The following BAG4 variants were observed in gnomAD, a reference collection of about 807,000 sequenced individuals.
The protein encoded by BAG4 is BAG family molecular chaperone regulator 4.
In BAG4, 28 loss-of-function variants were observed where a neutral mutation model predicts 52.1. That is an observed-to-expected ratio of 0.54 (90% CI 0.40 to 0.74). The LOEUF is 0.74. Ranked by LOEUF, BAG4 falls within the 30% of genes least tolerant of loss-of-function variation. The pLI is 0.00. For synonymous variants in BAG4, 208 were observed against 217.0 expected (o/e 0.96, Z 0.37); for missense variants, 525 against 572.0 (o/e 0.92, Z 0.84).
rs1240266768 is a variant in BAG4 at position 38,190,431 on chromosome 8, TTC to T, written c.271-2255_271-2254del. Reference sequence around the variant, plus strand: ...TGTGGTTATCAAGTCAGTAGGTTTTTTCTTTTTAAAGATGGGGTCTTACTCTG... The same window carrying T: ...TGTGGTTATCAAGTCAGTAGGTTTTTTTTTTAAAGATGGGGTCTTACTCTG... On this transcript the variant is annotated intron_variant, in intron 1 of 4. Transcript: ENST00000287322. Among the ~76,000 whole-genome samples, 12 of 152,128 alleles carry T rather than the reference TTC, an allele frequency of 7.9e-5. 1 individual carries two copies. The highest frequency in any genetic ancestry group is 1.8e-4 in the Non-Finnish European group (12 of 68,032).
intron 1 of BAG4, among the ~76,000 whole-genome samples, chr8:38,180,825 C>A (rs1306903866): frequency 6.6e-6 from 1 of 152,028 alleles, no homozygotes; most frequent in Admixed American, 6.6e-5. Flanking sequence ...ATTAATATTT[C>A]AGAAGCATTG....
chr8:38,208,887 T>G, intron 3 of BAG4, 126 bp from the exon 4 acceptor site: 1 of 1,167,180 alleles, frequency 8.6e-7, no homozygotes, highest in Non-Finnish European at 1.2e-6. Context: ...TACTACAGTT[T>G]AGTCCGGTAG....
chr8:38,187,851 T>C (rs999068159), intron 1 of BAG4, among the ~76,000 whole-genome samples: 4 of 144,432 alleles, frequency 2.8e-5, no homozygotes, highest in Admixed American at 7.1e-5. Context: ...TGAAACCTTG[T>C]CTGTACTAAA....
At chr8:38,191,029 G>A (rs1010957100) in intron 1 of BAG4, among the ~76,000 whole-genome samples, 4 of 152,120 alleles carry the variant, frequency 2.6e-5, no homozygotes, top group Non-Finnish European at 5.9e-5. Flanking sequence ...AAAGTGGTGG[G>A]ATTACAGGCG....
chr8:38,177,022 G>C lies in BAG4; in HGVS notation c.153G>C (p.Arg51=). 1 of 1,603,074 alleles carries C rather than the reference G, an allele frequency of 6.2e-7. No individual in the cohort carries two copies. Among genetic ancestry groups the C allele is most frequent in the Non-Finnish European group, 8.5e-7 (1 of 1,175,180 alleles). Residue 51 remains arginine (R), a synonymous_variant, in exon 1 of 5, where the codon CGG becomes CGC. Coordinates refer to ENST00000287322, the MANE Select transcript of BAG4 (RefSeq NM_004874.4). ...PEPPQPPISW[R]VRGGGPAETT... is the part of the protein sequence containing the mutation. ...CTCCCCAGCCTCCCATTTCCTGGCG[G>C]GTGCGCGGGGGCGGCCCGGCGGAGA...
intron 1 of BAG4, 32 bp downstream of exon 1, chr8:38,177,171 G>T: frequency 6.2e-7 from 1 of 1,605,098 alleles, no homozygotes; most frequent in Non-Finnish European, 8.5e-7. Flanking sequence ...CTTGCGGGGA[G>T]GTGAGGGCCC....
chr8:38,177,167 G>A (rs1803173708), intron 1 of BAG4, 28 bp downstream of exon 1: 3 of 1,607,136 alleles, frequency 1.9e-6, no homozygotes, highest in African/African-American at 2.7e-5. Flanking sequence ...TGTCCTTGCG[G>A]GGAGGTGAGG....
intron 1 of BAG4, among the ~76,000 whole-genome samples, chr8:38,179,777 A>G (rs924727021): frequency 6.6e-6 from 1 of 152,040 alleles, no homozygotes; most frequent in Non-Finnish European, 1.5e-5. Flanking sequence ...AAAAAAAAAA[A>G]TAAAGAAAGA....
At chr8:38,191,002 C>T (rs1324090525) in intron 1 of BAG4, among the ~76,000 whole-genome samples, 1 of 152,112 alleles carries the variant, frequency 6.6e-6, no homozygotes, top group Non-Finnish European at 1.5e-5. Context: ...AGGTGATCCA[C>T]CCGCGTCAGG....
At chr8:38,195,353 C>T (rs1237568071) in intron 2 of BAG4, among the ~76,000 whole-genome samples, 1 of 151,968 alleles carries the variant, frequency 6.6e-6, no homozygotes, top group Non-Finnish European at 1.5e-5. Flanking sequence ...AGGGTTTCGC[C>T]ATGTTACCCA....
intron 1 of BAG4, among the ~76,000 whole-genome samples, chr8:38,188,720 A>T (rs1488673835): frequency 1.1e-4 from 16 of 148,096 alleles, no homozygotes; most frequent in Non-Finnish European, 1.9e-4. Context: ...TATATATATA[A>T]AAATATGCAA....
At chr8:38,193,142 G>A (rs1212735186) in intron 2 of BAG4, among the ~76,000 whole-genome samples, 1 of 151,748 alleles carries the variant, frequency 6.6e-6, no homozygotes, top group Admixed American at 6.6e-5. Context: ...TGCAGGGCTG[G>A]GTGCAGTGGC....
rs1400625019 is a variant in BAG4, at chr8:38,209,252, A to G, written c.873A>G (p.Pro291=). 1.2e-6 allele frequency: 2 copies of G among 1,614,026 alleles called. No homozygotes were observed. Among genetic ancestry groups the G allele is most frequent in the African/African-American group, 2.7e-5 (2 of 74,916 alleles). ...CTCCCCAGTCACCCCCTTCACCCCC[A>G]GTCCAGCAGCCCAAGGTAGGAGACC... ...SGSPQSPPSP[P]VQQPKDSSYP... Residue 291 remains proline (P), a synonymous_variant, in exon 4 of 5, where the codon CCA becomes CCG. Transcript: ENST00000287322.
intron 2 of BAG4, among the ~76,000 whole-genome samples, chr8:38,203,397 C>T (rs1803715840): frequency 6.6e-6 from 1 of 151,754 alleles, no homozygotes; most frequent in African/African-American, 2.4e-5. Flanking sequence ...ATTCTCCTGC[C>T]TCAGCCTCCT....
intron 2 of BAG4, among the ~76,000 whole-genome samples, chr8:38,196,963 G>T (rs1372323383): frequency 6.6e-6 from 1 of 151,968 alleles, no homozygotes. Flanking sequence ...TGTAATCCCA[G>T]CTACTTGGGA....
At chr8:38,188,791 T>C (rs1369824186) in intron 1 of BAG4, among the ~76,000 whole-genome samples, 3 of 151,718 alleles carry the variant, frequency 2.0e-5, no homozygotes, top group African/African-American at 7.3e-5. Context: ...TTACTTTTTA[T>C]TTATTTATTT....
chr8:38,190,599 C>CTTT (rs1563281205), intron 1 of BAG4, among the ~76,000 whole-genome samples: 1 of 136,330 alleles, frequency 7.3e-6, no homozygotes, highest in African/African-American at 2.8e-5. Flanking sequence ...GCCCACCTGA[C>CTTT]ATTTTTTTTT....
At chr8:38,204,929 C>T (rs1172804634) in intron 2 of BAG4, among the ~76,000 whole-genome samples, 2 of 151,894 alleles carry the variant, frequency 1.3e-5, no homozygotes, top group South Asian at 4.2e-4. Context: ...TGTTTTTAAA[C>T]ATTTTTAATT....
intron 4 of BAG4, 158 bp downstream of exon 4, chr8:38,209,425 C>T: frequency 9.8e-6 from 9 of 922,532 alleles, no homozygotes; most frequent in East Asian, 5.8e-5. Context: ...TTTCCTTTTT[C>T]TTTTTTTTAA....
Sources: allele counts gnomAD v4.1 joint callset (sites outside exome capture counted in the v4.1 genomes callset), GRCh38; gene constraint gnomAD v4.1.1; transcripts MANE v1.5; gene names NCBI Gene and HGNC (gene_info 2026-07-23, HGNC 2026-07-21).